The following SLC66A3 variants were observed in gnomAD, a reference collection of about 807,000 sequenced individuals.
SLC66A3 encodes solute carrier family 66 member 3.
Under a neutral mutation model 25.5 loss-of-function variants are expected in SLC66A3, and 23 were observed. That is an observed-to-expected ratio of 0.90 (90% confidence interval 0.65 to 1.28). The LOEUF is 1.28. Among genes scored for constraint, SLC66A3 ranks in the 50% most tolerant of loss-of-function variants. The pLI, the probability that SLC66A3 is intolerant of heterozygous loss-of-function variation, is 0.00. For missense variants in SLC66A3, 246 were observed against 262.1 expected, an observed-to-expected ratio of 0.94 and a Z score of 0.42; for synonymous variants, 108 against 112.6, an observed-to-expected ratio of 0.96 and a Z score of 0.26.
chr2:11,177,905 G>A lies in SLC66A3; in HGVS notation c.*77G>A. On this transcript the variant is annotated 3_prime_UTR_variant, in exon 7 of 7. Coordinates refer to ENST00000295083, the MANE Select transcript of SLC66A3 (RefSeq NM_152391.5). ...AAAAGAAGCTCTTTGCTAAATTAAGGTCTTTTATAAATTTAGTAAATCAGT... is the reference window on the plus strand; with the variant it reads ...AAAAGAAGCTCTTTGCTAAATTAAGATCTTTTATAAATTTAGTAAATCAGT... 2 of 895,326 alleles carry A rather than the reference G, an allele frequency of 2.2e-6. No individual in the cohort carries two copies. The highest frequency in any genetic ancestry group is 3.5e-6 in the Non-Finnish European group (2 of 568,770). The allele number at this position is 895,326 out of a possible 1,614,324, so 55.5% of individuals were successfully genotyped here.
chr2:11,170,169 C>T (rs556864538), intron 4 of SLC66A3, among the ~76,000 whole-genome samples: 1 of 152,286 alleles, frequency 6.6e-6, no homozygotes, highest in East Asian at 1.9e-4. Context: ...CATTACCACT[C>T]CCTCAGCAAA....
chr2:11,161,034 CAAT>C (rs1572178186), intron 3 of SLC66A3, among the ~76,000 whole-genome samples: 1 of 152,112 alleles, frequency 6.6e-6, no homozygotes, highest in East Asian at 1.9e-4. Flanking sequence ...GGATTGGAAG[CAAT>C]AATAATGAGA....
chr2:11,174,969 A>T lies in SLC66A3; in HGVS notation c.477A>T (p.Thr159=), dbSNP rs759566385. The T allele has an allele frequency of 6.2e-7, 1 of 1,607,574 alleles. No individual in the cohort carries two copies. The highest frequency in any genetic ancestry group is 1.1e-5 in the South Asian group (1 of 88,770). The change falls in exon 6 of 7, where the codon ACA becomes ACT. Residue 159 remains threonine, a splice_region_variant and synonymous_variant. Coordinates refer to ENST00000295083, the MANE Select transcript of SLC66A3 (RefSeq NM_152391.5). ...ATTGCTGCAAGTTTTCTTTTACAGC[A>T]AGAATAATCACAACCTTAATGACCA... The part of the protein sequence containing the change: ...TWSLSSYTCA[T]RIITTLMTTN...
chr2:11,177,409 A>G (rs1368956065), intron 6 of SLC66A3, among the ~76,000 whole-genome samples: 1 of 152,038 alleles, frequency 6.6e-6, no homozygotes, highest in Non-Finnish European at 1.5e-5. Context: ...GCAGTGAGCC[A>G]AGACAGGCCA....
At chr2:11,177,470 AAAAGTT>A (rs1662797658) in intron 6 of SLC66A3, among the ~76,000 whole-genome samples, 1 of 152,138 alleles carries the variant, frequency 6.6e-6, no homozygotes, top group Non-Finnish European at 1.5e-5. Context: ...AAAAAAAAAA[AAAAGTT>A]AAAAGTTATA....
In SLC66A3 at chr2:11,169,837, C is replaced by CTTTTT. The variant is rs1186098636; in HGVS notation, c.355-2072_355-2068dup. Among the ~76,000 whole-genome samples, 17 of 89,046 alleles carry CTTTTT rather than the reference C, an allele frequency of 1.9e-4. 1 individual carries two copies. The highest frequency in any genetic ancestry group is 2.5e-4 in the African/African-American group (5 of 19,870). 58.4% of individuals were successfully genotyped at this position (89,046 alleles called of 152,430 possible). On this transcript the variant is annotated intron_variant, in intron 4 of 6. Transcript: ENST00000295083. ...GATTAGAATCACCCTGGATTTCTCT[C>CTTTTT]TTTTTTTTTTTTTTTTTTTTGAGAC...
At chr2:11,160,994 AT>A (rs1385009560) in intron 3 of SLC66A3, among the ~76,000 whole-genome samples, 2 of 152,056 alleles carry the variant, frequency 1.3e-5, no homozygotes, top group African/African-American at 4.8e-5. Flanking sequence ...CATGTGAGAC[AT>A]TTCTTCCTGC....
chr2:11,164,448 TCTC>T (rs1662243542), intron 4 of SLC66A3, among the ~76,000 whole-genome samples, 187 bp downstream of exon 4: 1 of 150,604 alleles, frequency 6.6e-6, no homozygotes, highest in South Asian at 2.1e-4. Context: ...TTCAAGGGAT[TCTC>T]CTGTCTCAGC....
At chr2:11,169,358 C>G (rs1662463090) in intron 4 of SLC66A3, among the ~76,000 whole-genome samples, 1 of 152,206 alleles carries the variant, frequency 6.6e-6, no homozygotes, top group East Asian at 1.9e-4. Context: ...CGAGTGTTCC[C>G]CATGAGCTTT....
rs745573730 is a variant in SLC66A3, at chr2:11,155,665, C to G, written c.119C>G (p.Pro40Arg). Residue 40 changes from proline to arginine, a missense_variant, in exon 1 of 7, where the codon CCG (proline) becomes CGG (arginine). Coordinates refer to ENST00000295083, the MANE Select transcript of SLC66A3 (RefSeq NM_152391.5). ...AARSARGLSL[P>R]SLLLELAGFL... ...CGCAGCGCGCGGGGCCTCAGCCTTC[C>G]GAGTTTACTTCTGGAGCTGGCAGGG... is the stretch of plus-strand genomic sequence containing the variant. 4 of 1,467,252 alleles carry G rather than the reference C, an allele frequency of 2.7e-6. No individual in the cohort carries two copies. Among genetic ancestry groups the G allele is most frequent in the Admixed American group, 4.9e-5 (2 of 40,936 alleles). The allele number at this position is 1,467,252 out of a possible 1,614,324, so 90.9% of individuals were successfully genotyped here. A position where few individuals can be genotyped will look rare whatever the true frequency, so the allele number is the denominator to read the frequency against.
chr2:11,166,393 G>A (rs1662344578), intron 4 of SLC66A3, among the ~76,000 whole-genome samples: 1 of 152,126 alleles, frequency 6.6e-6, no homozygotes, highest in African/African-American at 2.4e-5. Flanking sequence ...GAGAAAAGGA[G>A]GAGAACTAAC....
At chr2:11,155,794 G>A (rs1661875631) in intron 1 of SLC66A3, 105 bp downstream of exon 1, 1 of 1,124,426 alleles carries the variant, frequency 8.9e-7, no homozygotes, top group Non-Finnish European at 1.1e-6. Flanking sequence ...TGATCCCCGC[G>A]CGCCGGCGTC....
At chr2:11,158,402 C>A (rs1227829540) in intron 1 of SLC66A3, among the ~76,000 whole-genome samples, 1 of 152,034 alleles carries the variant, frequency 6.6e-6, no homozygotes, top group East Asian at 1.9e-4. Context: ...GTGGCTCACA[C>A]CTGTAATCCC....
chr2:11,165,806 G>T (rs1163969704), intron 4 of SLC66A3, among the ~76,000 whole-genome samples: 1 of 152,140 alleles, frequency 6.6e-6, no homozygotes, highest in African/African-American at 2.4e-5. Context: ...TCGCGGTTAG[G>T]GGCTGGAGAC....
chr2:11,156,754 G>C (rs1304655057), intron 1 of SLC66A3, among the ~76,000 whole-genome samples: 1 of 151,852 alleles, frequency 6.6e-6, no homozygotes, highest in African/African-American at 2.4e-5. Flanking sequence ...TTCCAGGCTT[G>C]TGAGTGACTC....
intron 5 of SLC66A3, among the ~76,000 whole-genome samples, chr2:11,173,986 GCT>G (rs756842789): frequency 1.3e-5 from 2 of 152,198 alleles, no homozygotes; most frequent in South Asian, 2.1e-4. Context: ...ACAGAGTTTC[GCT>G]CTTTCGCTTA....
rs1315641468 is a variant in SLC66A3 at position 11,178,439 on chromosome 2, C to T, written c.*611C>T. The T allele has an allele frequency of 6.6e-6, 1 of 152,556 alleles. No homozygotes were observed. Among genetic ancestry groups the T allele is most frequent in the African/African-American group, 2.4e-5 (1 of 41,408 alleles). 9.5% of individuals were successfully genotyped at this position (152,556 alleles called of 1,614,324 possible). A position where few individuals can be genotyped will look rare whatever the true frequency, so the allele number is the denominator to read the frequency against. ...AACAGTCCTTCAACTTTGCACTGTG[C>T]CTTAAGTAATTACTAACAAAAGGTA... On this transcript the variant is annotated 3_prime_UTR_variant, in exon 7 of 7. Coordinates refer to ENST00000295083, the MANE Select transcript of SLC66A3 (RefSeq NM_152391.5).
chr2:11,162,270 C>T (rs914448711), intron 3 of SLC66A3, among the ~76,000 whole-genome samples: 5 of 152,198 alleles, frequency 3.3e-5, no homozygotes, highest in African/African-American at 1.2e-4. Context: ...AGCTCTGCTG[C>T]CTCAGTTTCT....
rs77899629 is a variant in SLC66A3, at chr2:11,161,109, G to T, written c.296+415G>T. Reference sequence around the variant, plus strand: ...AAACCTTGAGGTCTGAGGGGCAGTTGTTGGCCCAGAGGCTTGCAGTGGGAG... The same window carrying T: ...AAACCTTGAGGTCTGAGGGGCAGTTTTTGGCCCAGAGGCTTGCAGTGGGAG... On this transcript the variant is annotated intron_variant, in intron 3 of 6. Transcript: ENST00000295083. Among the ~76,000 whole-genome samples, 54 of 152,306 alleles carry T rather than the reference G, an allele frequency of 3.5e-4. No individual in the cohort carries two copies. In the South Asian group the frequency reaches 9.9e-3, roughly 28 times the overall value.
Sources: allele counts gnomAD v4.1 joint callset (sites outside exome capture counted in the v4.1 genomes callset), GRCh38; gene constraint gnomAD v4.1.1; transcripts MANE v1.5; gene names NCBI Gene and HGNC (gene_info 2026-07-23, HGNC 2026-07-21).